Variants in ZNF770 observed in about 807,000 individuals in gnomAD.
The protein encoded by ZNF770 is zinc finger protein 770.
A neutral mutation model predicts 44.8 loss-of-function variants in ZNF770; 13 were observed. The observed-to-expected ratio is 0.29, with a 90% CI of 0.19 to 0.46. The LOEUF (loss-of-function observed/expected upper bound fraction) is 0.46, where lower values mean the gene tolerates loss of function less well. Ranked by LOEUF, ZNF770 falls within the 20% of genes least tolerant of loss-of-function variation. ZNF770 has a pLI of 1.00. For synonymous variants in ZNF770, 304 were observed against 271.8 expected, an observed-to-expected ratio of 1.12 and a Z score of -1.17; for missense variants, 681 against 797.9, an observed-to-expected ratio of 0.85 and a Z score of 1.77.
rs1347551535 is a variant in ZNF770 at position 34,978,418 on chromosome 15, C to A, written c.*2941G>T. 1 of 151,034 alleles carries A rather than the reference C, an allele frequency of 6.6e-6. No homozygotes were observed. The highest frequency in any genetic ancestry group is 2.4e-5 in the African/African-American group (1 of 40,828). The allele number at this position is 151,034 out of a possible 1,614,324, so 9.4% of individuals were successfully genotyped here. On this transcript the variant is annotated 3_prime_UTR_variant, in exon 3 of 3. Transcript: ENST00000356321. ...TTAACCACCACCTACTTCCCTTAAA[C>A]ACACACACATTTTTATCTTACAATT... is the stretch of plus-strand genomic sequence containing the variant.
rs8032605 is a variant in ZNF770, at chr15:34,980,033, C to G, written c.*1326G>C. 153,587 of 155,634 alleles carry G rather than the reference C, an allele frequency of 0.99. 75,787 individuals are homozygous for G. The highest frequency in any genetic ancestry group is 1 in the East Asian group (5,230 of 5,230). The allele number at this position is 155,634 out of a possible 1,614,324, so 9.6% of individuals were successfully genotyped here. On this transcript the variant is annotated 3_prime_UTR_variant, in exon 3 of 3. Transcript: ENST00000356321. Reference sequence around the variant, plus strand: ...TTAATTAAAATAAAAATTTAACAAGCATCAAAATAAAATTCTTTAGCAATA... The same window carrying G: ...TTAATTAAAATAAAAATTTAACAAGGATCAAAATAAAATTCTTTAGCAATA...
intron 2 of ZNF770, among the ~76,000 whole-genome samples, chr15:34,984,225 A>C (rs913652120): frequency 3.3e-5 from 5 of 152,244 alleles, no homozygotes; most frequent in African/African-American, 1.2e-4. Flanking sequence ...TGTGCTAAAA[A>C]ACAGTGAAGC....
At chr15:34,985,681 G>C (rs2050429856) in intron 2 of ZNF770, among the ~76,000 whole-genome samples, 1 of 152,124 alleles carries the variant, frequency 6.6e-6, no homozygotes, top group Non-Finnish European at 1.5e-5. Flanking sequence ...ATCACCTGAG[G>C]TCAGGAGTTC....
At chr15:34,987,123 G>GA (rs1197979520) in intron 2 of ZNF770, among the ~76,000 whole-genome samples, 1 of 152,184 alleles carries the variant, frequency 6.6e-6, no homozygotes, top group Non-Finnish European at 1.5e-5. Context: ...ACGCCTAAAA[G>GA]AAAAAAATCA....
chr15:34,982,365 T>G lies in ZNF770; in HGVS notation c.1070A>C (p.Glu357Ala). 1 of 1,606,916 alleles carries G rather than the reference T, an allele frequency of 6.2e-7. No homozygotes were observed. Among genetic ancestry groups the G allele is most frequent in the Non-Finnish European group, 8.5e-7 (1 of 1,177,884 alleles). ...RSKKLDNFQS[E>A]KKVFKKSFLR... Reference sequence around the variant, plus strand: ...GAAACTCTTTTTAAATACTTTTTTCTCAGATTGAAAGTTATCTAATTTTTT... The same window carrying G: ...GAAACTCTTTTTAAATACTTTTTTCGCAGATTGAAAGTTATCTAATTTTTT... Residue 357 changes from glutamate (E) to alanine (A), a missense_variant, in exon 3 of 3, where the codon GAG (glutamate) becomes GCG (alanine). Coordinates refer to ENST00000356321, the MANE Select transcript of ZNF770 (RefSeq NM_014106.4).
At chr15:34,984,134 C>T (rs1170928867) in intron 2 of ZNF770, among the ~76,000 whole-genome samples, 1 of 152,064 alleles carries the variant, frequency 6.6e-6, no homozygotes, top group East Asian at 1.9e-4. Context: ...GAGTTCTCAT[C>T]TGTAAAATGG....
rs1334724333 is a variant in ZNF770, at chr15:34,981,456, T to C, written c.1979A>G (p.Lys660Arg). 2 of 1,614,234 alleles carry C rather than the reference T, an allele frequency of 1.2e-6. No individual in the cohort carries two copies. Among genetic ancestry groups the C allele is most frequent in the South Asian group, 2.2e-5 (2 of 91,082 alleles). The change falls in exon 3 of 3, where the codon AAA (lysine) becomes AGA (arginine). Residue 660 changes from lysine (K) to arginine (R), a missense_variant. By Grantham distance (26) the Lys-to-Arg change is conservative. Around this residue, in one of 5 missense-constraint regions of ZNF770, gnomAD observed 10 missense variants for 33.9 expected, o/e 0.30. Transcript: ENST00000356321. ...QKPFECSVCG[K>R]TFRQAPHWKR... ...CCAGTGAGGAGCCTGTCTGAATGTTTTGCCACAAACTGAGCATTCAAATGG... is the reference window on the plus strand; with the variant it reads ...CCAGTGAGGAGCCTGTCTGAATGTTCTGCCACAAACTGAGCATTCAAATGG...
intron 2 of ZNF770, among the ~76,000 whole-genome samples, chr15:34,987,078 T>C (rs766733334): frequency 3.3e-5 from 5 of 152,260 alleles, no homozygotes; most frequent in Non-Finnish European, 5.9e-5. Flanking sequence ...CTTTTGTATG[T>C]TTCTTCTTCC....
rs746559137 is a variant in ZNF770 at position 34,980,055 on chromosome 15, A to T, written c.*1304T>A. ...AAGCATCAAAATAAAATTCTTTAGC[A>T]ATAGACTCCTGCAAAAATAAAAACT... On this transcript the variant is annotated 3_prime_UTR_variant, in exon 3 of 3. Coordinates refer to ENST00000356321, the MANE Select transcript of ZNF770 (RefSeq NM_014106.4). The T allele has an allele frequency of 1.3e-5, 2 of 156,328 alleles. No individual in the cohort carries two copies. Among genetic ancestry groups the T allele is most frequent in the Non-Finnish European group, 2.8e-5 (2 of 70,594 alleles). The allele number at this position is 156,328 out of a possible 1,614,324, so 9.7% of individuals were successfully genotyped here. A position where few individuals can be genotyped will look rare whatever the true frequency, so the allele number is the denominator to read the frequency against.
Position 34,981,738 on chromosome 15 carries a change from A to G in ZNF770, c.1697T>C (p.Val566Ala). Residue 566 changes from valine to alanine, a missense_variant, in exon 3 of 3, where the codon GTT (valine) becomes GCT (alanine). Transcript: ENST00000356321. ...TGACTCTGAGACCTCGTATTTTTGAACACCAGGAGCCTGACATTGTTGGGA... is the reference window on the plus strand; with the variant it reads ...TGACTCTGAGACCTCGTATTTTTGAGCACCAGGAGCCTGACATTGTTGGGA... ...NASQQCQAPG[V>A]QKYEVSESDQ... 1.2e-6 allele frequency: 2 copies of G among 1,614,110 alleles called. No individual in the cohort carries two copies. Among genetic ancestry groups the G allele is most frequent in the South Asian group, 1.1e-5 (1 of 91,084 alleles).
rs2050390313 is a variant in ZNF770 at position 34,979,998 on chromosome 15, GACT to G, written c.*1358_*1360del. The G allele has an allele frequency of 1.9e-5, 3 of 159,830 alleles. No individual in the cohort carries two copies. The highest frequency in any genetic ancestry group is 2.8e-5 in the Non-Finnish European group (2 of 72,520). The allele number at this position is 159,830 out of a possible 1,614,324, so 9.9% of individuals were successfully genotyped here. ...AAGCATCTTATCCCTCTACAGGAAT[GACT>G]ACCTTATTAATTAAAATAAAAATTT... On this transcript the variant is annotated 3_prime_UTR_variant, in exon 3 of 3. Transcript: ENST00000356321.
intron 2 of ZNF770, 115 bp from the exon 3 acceptor site, chr15:34,983,605 GT>G: frequency 2.2e-6 from 1 of 448,094 alleles, no homozygotes; most frequent in Non-Finnish European, 3.7e-6. Flanking sequence ...TGGACTTAGT[GT>G]TTACAAGTTA....
In ZNF770 at chr15:34,979,648, A is replaced by T; in HGVS notation, c.*1711T>A. 2.2e-6 allele frequency: 1 copy of T among 449,754 alleles called. No individual in the cohort carries two copies. The highest frequency in any genetic ancestry group is 4.5e-6 in the Non-Finnish European group (1 of 224,560). The allele number at this position is 449,754 out of a possible 1,614,324, so 27.9% of individuals were successfully genotyped here. On this transcript the variant is annotated 3_prime_UTR_variant, in exon 3 of 3. Coordinates refer to ENST00000356321, the MANE Select transcript of ZNF770 (RefSeq NM_014106.4). ...TAAAAGAAGCAAGCAGATCACCCCC[A>T]CCTACTATCCCTCCCGCCTCCCCCC... is the stretch of plus-strand genomic sequence containing the variant.
Position 34,979,221 on chromosome 15 carries a change from G to C in ZNF770, c.*2138C>G, listed in dbSNP as rs2050385560. 1.3e-5 allele frequency: 2 copies of C among 157,678 alleles called. No individual in the cohort carries two copies. The highest frequency in any genetic ancestry group is 3.6e-4 in the South Asian group (2 of 5,616). 9.8% of individuals were successfully genotyped at this position (157,678 alleles called of 1,614,324 possible). On this transcript the variant is annotated 3_prime_UTR_variant, in exon 3 of 3. Transcript: ENST00000356321. ...GCACAACACTGTTAGGACTCTCCCT[G>C]TTTAGGCTGGGAAAAACATTATACA...
chr15:34,981,542 A>G lies in ZNF770; in HGVS notation c.1893T>C (p.Ala631=). The change falls in exon 3 of 3, where the codon GCT becomes GCC. Residue 631 remains alanine (A), a synonymous_variant. Coordinates refer to ENST00000356321, the MANE Select transcript of ZNF770 (RefSeq NM_014106.4). ...GTTTAGATGGAGATCGGAAACTTTTAGCACAAACACTGCATCGGTACAGGA... is the reference window on the plus strand; with the variant it reads ...GTTTAGATGGAGATCGGAAACTTTTGGCACAAACACTGCATCGGTACAGGA... ...DVFLYRCSVC[A]KSFRSPSKLE... 1 of 1,614,206 alleles carries G rather than the reference A, an allele frequency of 6.2e-7. No individual in the cohort carries two copies. Among genetic ancestry groups the G allele is most frequent in the Non-Finnish European group, 8.5e-7 (1 of 1,180,028 alleles).
Position 34,985,804 on chromosome 15 carries a change from G to C in ZNF770, c.-57+1753C>G, listed in dbSNP as rs147150776. ...AGCTACTTGGGAGGCTGAGTCAGGA[G>C]AATTGCTTGAACCCAGGAGACGGAG... On this transcript the variant is annotated intron_variant, in intron 2 of 2. Transcript: ENST00000356321. 1.6e-3 allele frequency among the ~76,000 whole-genome samples: 251 copies of C among 152,186 alleles called. 3 individuals carry two copies. The highest frequency in any genetic ancestry group is 5.6e-3 in the African/African-American group (233 of 41,496).
chr15:34,986,638 C>A (rs1254534703), intron 2 of ZNF770, among the ~76,000 whole-genome samples: 2 of 152,174 alleles, frequency 1.3e-5, no homozygotes, highest in Non-Finnish European at 2.9e-5. Context: ...CTACTAAATA[C>A]AAGGACACTG....
chr15:34,982,843 G>A lies in ZNF770; in HGVS notation c.592C>T (p.Arg198Ter), dbSNP rs2050411632. ...FKCVLCTKSF[R>*]QSTHLKIHQL... ...TGGATTTTTAAGTGAGTTGACTGTC[G>A]AAAAGATTTAGTACACAAGACACAT... The change falls in exon 3 of 3, where the codon CGA becomes TGA. Residue 198 changes from arginine (R) to a stop codon, truncating the protein, a stop_gained. Transcript: ENST00000356321. LOFTEE classifies it high-confidence loss of function. The A allele has an allele frequency of 3.1e-6, 5 of 1,613,724 alleles. No homozygotes were observed. The highest frequency in any genetic ancestry group is 4.2e-6 in the Non-Finnish European group (5 of 1,179,948).
At chr15:34,984,949 G>A (rs1410363481) in intron 2 of ZNF770, among the ~76,000 whole-genome samples, 5 of 151,828 alleles carry the variant, frequency 3.3e-5, no homozygotes, top group Admixed American at 3.3e-4. Flanking sequence ...CCTGAACAAC[G>A]TGGCAAAACC....
Sources: allele counts gnomAD v4.1 joint callset (sites outside exome capture counted in the v4.1 genomes callset), GRCh38; gene constraint gnomAD v4.1.1; regional missense constraint gnomAD v4.1.1; transcripts MANE v1.5; gene names NCBI Gene and HGNC (gene_info 2026-07-23, HGNC 2026-07-21).